GALNT2: variants seen among roughly 807,000 people sequenced by gnomAD.
The protein encoded by GALNT2 is UDP-GalNAc:polypeptide N-acetylgalactosaminyltransferase 2.
Under a neutral mutation model 81.4 loss-of-function variants are expected in GALNT2, and 31 were observed. That is an observed-to-expected ratio of 0.38 (90% CI 0.29 to 0.51). The LOEUF is 0.51. GALNT2 is among the 20% of genes least tolerant of loss of function. The pLI is 0.87. For missense variants in GALNT2, 629 were observed against 765.7 expected (o/e 0.82, Z 2.11); for synonymous variants, 303 against 287.4 (o/e 1.05, Z -0.55).
intron 2 of GALNT2, among the ~76,000 whole-genome samples, chr1:230,179,213 C>G (rs1663083739): frequency 6.6e-6 from 1 of 152,034 alleles, no homozygotes; most frequent in South Asian, 2.1e-4. Context: ...TGAAGGACAT[C>G]TTGGTTGCTT....
At chr1:230,066,052 T>C (rs1176957723), upstream of GALNT2, among the ~76,000 whole-genome samples, 3 of 152,266 alleles carry the variant, frequency 2.0e-5, no homozygotes, top group Non-Finnish European at 4.4e-5. Context: ...GAATTTGGTA[T>C]CTTTTCTTTC....
At chr1:230,178,386 AGGTGGTCTGTGG>A (rs1663054402) in intron 2 of GALNT2, 75 bp downstream of exon 2, 7 of 1,148,640 alleles carry the variant, frequency 6.1e-6, no homozygotes, top group Non-Finnish European at 6.3e-6. Context: ...CTCTTGGAGC[AGGTGGTCTGTGG>A]GGAGAGGCTG....
At chr1:230,238,456 T>C (rs746885729) in intron 6 of GALNT2, among the ~76,000 whole-genome samples, 1 of 152,208 alleles carries the variant, frequency 6.6e-6, no homozygotes, top group Admixed American at 6.5e-5. Context: ...ATGATGCCGA[T>C]GTACAGTGGA....
rs144456748 is a variant in GALNT2, at chr1:230,080,091, T to A, written c.126+12685T>A. On this transcript the variant is annotated intron_variant, in intron 1 of 15. Transcript: ENST00000366672. ...TAGTGTTTGTACTTAAGACATAGGT[T>A]TTAGTTTAGAGGATTTTTCTCCCTA... Among the ~76,000 whole-genome samples, 105 of 152,306 alleles carry A rather than the reference T, an allele frequency of 6.9e-4. 1 individual carries two copies. The East Asian group carries it at 0.015, about 22-fold the overall frequency.
In GALNT2 at chr1:230,275,027, C is replaced by CGCCACATATATACATATATACAT. The variant is rs1666250990; in HGVS notation, c.1560+477_1560+478insTATATACATGCCACATATATACA. Among the ~76,000 whole-genome samples, 8 of 150,444 alleles carry CGCCACATATATACATATATACAT rather than the reference C, an allele frequency of 5.3e-5. No homozygotes were observed. The highest frequency in any genetic ancestry group is 3.0e-5 in the Non-Finnish European group (2 of 67,788). On this transcript the variant is annotated intron_variant, in intron 15 of 15. Transcript: ENST00000366672. The surrounding 1 kb of genome is among the most constrained non-coding windows in gnomAD (Gnocchi z 5.5). ...CATGCCACATATATACATATATACA[C>CGCCACATATATACATATATACAT]GCCACATATATACACATATATACAT...
chr1:230,134,298 G>A (rs957238684), intron 1 of GALNT2, among the ~76,000 whole-genome samples: 6 of 151,940 alleles, frequency 3.9e-5, no homozygotes, highest in South Asian at 2.1e-4. Flanking sequence ...TAGTAGAGAC[G>A]GGGTTTCACC....
At chr1:230,209,945 A>G (rs1199165094) in intron 3 of GALNT2, among the ~76,000 whole-genome samples, 3 of 152,230 alleles carry the variant, frequency 2.0e-5, no homozygotes, top group Non-Finnish European at 4.4e-5. Flanking sequence ...CCGGCCAGCC[A>G]GATCCTGAAA....
chr1:230,091,617 G>A (rs1290587264), intron 1 of GALNT2: 1 of 152,230 alleles, frequency 6.6e-6, no homozygotes, highest in Admixed American at 6.5e-5. Context: ...GTTCTGCAGT[G>A]TTGGAGCTAG....
chr1:230,226,006 C>T (rs1010926763), intron 3 of GALNT2, among the ~76,000 whole-genome samples: 1 of 152,194 alleles, frequency 6.6e-6, no homozygotes, highest in Admixed American at 6.5e-5. Flanking sequence ...ACTGTCAGAG[C>T]TTTGTGATAA....
At chr1:230,157,744 G>A (rs548941338) in intron 1 of GALNT2, among the ~76,000 whole-genome samples, 1 of 152,160 alleles carries the variant, frequency 6.6e-6, no homozygotes, top group South Asian at 2.1e-4. Flanking sequence ...GCTACATACT[G>A]TATACTTCTA....
intron 11 of GALNT2, among the ~76,000 whole-genome samples, chr1:230,258,129 G>A (rs1405502569): frequency 6.6e-6 from 1 of 152,116 alleles, no homozygotes; most frequent in Non-Finnish European, 1.5e-5. Context: ...TGGCCAGGCT[G>A]GTCTCAAACT....
chr1:230,110,843 A>G (rs942161206), intron 1 of GALNT2, among the ~76,000 whole-genome samples: 1 of 151,242 alleles, frequency 6.6e-6, no homozygotes, highest in African/African-American at 2.4e-5. Flanking sequence ...AAAACTGGGG[A>G]GGCGTGGAGT....
chr1:230,140,650 T>C (rs558690978), intron 1 of GALNT2, among the ~76,000 whole-genome samples: 1 of 152,360 alleles, frequency 6.6e-6, no homozygotes, highest in East Asian at 1.9e-4. Flanking sequence ...ACGTGTATTA[T>C]GGTTTTATCT....
At chr1:230,201,342 C>T (rs1663887261) in intron 2 of GALNT2, among the ~76,000 whole-genome samples, 1 of 152,096 alleles carries the variant, frequency 6.6e-6, no homozygotes, top group Non-Finnish European at 1.5e-5. Flanking sequence ...AGCATCATTT[C>T]CACGGCAACC....
At position 230,075,411 on chromosome 1, in the gene GALNT2, G is replaced by A. The variant is rs966363412; in HGVS notation, c.126+8005G>A. On this transcript the variant is annotated intron_variant, in intron 1 of 15. Transcript: ENST00000366672. The stretch of plus-strand genomic sequence containing the variant: ...GCTGGGATTACAGGCGTGAGCCACC[G>A]TGCCCGGCTGCTCTTTTCTTCATTT... Among the ~76,000 whole-genome samples, 6 of 152,216 alleles carry A rather than the reference G, an allele frequency of 3.9e-5. No homozygotes were observed. In the South Asian group the frequency reaches 8.3e-4, roughly 21 times the overall value.
At chr1:230,222,272 C>T (rs899094807) in intron 3 of GALNT2, among the ~76,000 whole-genome samples, 12 of 151,936 alleles carry the variant, frequency 7.9e-5, no homozygotes, top group Admixed American at 7.2e-4. Flanking sequence ...GTGATCCGCC[C>T]GCCTCGGCCT....
intron 1 of GALNT2, among the ~76,000 whole-genome samples, chr1:230,071,039 C>T (rs774449386): frequency 2.6e-5 from 4 of 151,982 alleles, no homozygotes; most frequent in African/African-American, 4.8e-5. Context: ...TGGCCTTGTT[C>T]GGAGAGTTAA....
At chr1:230,262,900 A>G in intron 12 of GALNT2, 22 bp from the exon 13 acceptor site, 1 of 1,606,180 alleles carries the variant, frequency 6.2e-7, no homozygotes, top group Non-Finnish European at 8.5e-7. Flanking sequence ...TTATAAAGGA[A>G]TCTTATTTCC....
At chr1:230,065,356 A>G (rs1356117521), upstream of GALNT2, among the ~76,000 whole-genome samples, 4 of 151,866 alleles carry the variant, frequency 2.6e-5, no homozygotes, top group African/African-American at 7.3e-5. Context: ...AATTTGCTCA[A>G]CCCTTGTTGC....
Sources: allele counts gnomAD v4.1 joint callset (sites outside exome capture counted in the v4.1 genomes callset), GRCh38; gene constraint gnomAD v4.1.1; non-coding constraint Gnocchi (gnomAD v3.1); transcripts MANE v1.5; gene names NCBI Gene and HGNC (gene_info 2026-07-23, HGNC 2026-07-21).